Variants in BOC observed in about 807,000 individuals in gnomAD.
BOC encodes the protein brother of CDO.
In BOC, 76 loss-of-function variants were observed where a neutral mutation model predicts 112.0. The ratio of observed to expected loss-of-function variants is 0.68; its 90% CI spans 0.56 to 0.82. BOC has a LOEUF of 0.82. BOC is among the 40% of genes least tolerant of loss of function. BOC has a pLI of 0.00. For missense variants in BOC, 1,309 were observed against 1,511.7 expected (o/e 0.87, Z 2.22); for synonymous variants, 580 against 599.8 (o/e 0.97, Z 0.48).
Position 113,273,250 on chromosome 3 carries a change from G to C in BOC, c.1143G>C (p.Met381Ile), listed in dbSNP as rs1948332645. The C allele has an allele frequency of 6.2e-7, 1 of 1,613,194 alleles. No individual in the cohort carries two copies. Among genetic ancestry groups the C allele is most frequent in the Non-Finnish European group, 8.5e-7 (1 of 1,179,840 alleles). The change falls in exon 8 of 20, where the codon ATG becomes ATC. Residue 381 changes from methionine (M) to isoleucine (I), a missense_variant. Transcript: ENST00000682979. ...GCAGGGCCCTGCGCGTGCTCAGCATGGGGCCTGAGGACGAAGGCGTCTACC... is the reference window on the plus strand; with the variant it reads ...GCAGGGCCCTGCGCGTGCTCAGCATCGGGCCTGAGGACGAAGGCGTCTACC... ...LSRRALRVLS[M>I]GPEDEGVYQC...
rs571119647 is a variant in BOC, at chr3:113,283,525, G to A, written c.2549G>A (p.Arg850His). The change falls in exon 16 of 20, where the codon CGC becomes CAC. Residue 850 changes from arginine (R) to histidine (H), a missense_variant. Coordinates refer to ENST00000682979, the MANE Select transcript of BOC (RefSeq NM_001378074.1). ...RPVGTGAMVA[R>H]SSDLPYLIVG... ...GTGGGCACTGGGGCCATGGTGGCTC[G>A]CTCCAGCGACCTGCCCTATCTGATT... is the stretch of plus-strand genomic sequence containing the variant. 41 of 1,613,970 alleles carry A rather than the reference G, an allele frequency of 2.5e-5. No individual in the cohort carries two copies. The highest frequency in any genetic ancestry group is 1.6e-4 in the East Asian group (7 of 44,856).
At chr3:113,237,757 A>G (rs1323378857) in intron 2 of BOC, among the ~76,000 whole-genome samples, 1 of 152,202 alleles carries the variant, frequency 6.6e-6, no homozygotes, top group East Asian at 1.9e-4. Context: ...CCAGGAAAAA[A>G]AATTGGTTCC....
chr3:113,254,235 C>T (rs781171809), intron 4 of BOC, among the ~76,000 whole-genome samples: 2 of 152,132 alleles, frequency 1.3e-5, no homozygotes, highest in Non-Finnish European at 2.9e-5. Flanking sequence ...AAGCCAAGAA[C>T]TATTGGCTTG....
Position 113,274,353 on chromosome 3 carries a change from C to T in BOC, c.1235-22C>T. ...TAAACCAGGAGACTAACCTTTCCTT[C>T]TGCTTCCTGTTGGTCCTCCAGGCAT... is the stretch of plus-strand genomic sequence containing the variant. On this transcript the variant is annotated intron_variant, in intron 8 of 19. Coordinates refer to ENST00000682979, the MANE Select transcript of BOC (RefSeq NM_001378074.1). The surrounding 1 kb of genome is among the most constrained non-coding windows in gnomAD (Gnocchi z 4.8). The T allele has an allele frequency of 6.7e-7, 1 of 1,490,724 alleles. No individual in the cohort carries two copies. Among genetic ancestry groups the T allele is most frequent in the Non-Finnish European group, 8.9e-7 (1 of 1,122,398 alleles). The allele number at this position is 1,490,724 out of a possible 1,614,324, so 92.3% of individuals were successfully genotyped here.
At chr3:113,232,061 T>C (rs1419587281) in intron 2 of BOC, among the ~76,000 whole-genome samples, 1 of 152,188 alleles carries the variant, frequency 6.6e-6, no homozygotes, top group African/African-American at 2.4e-5. Context: ...GGATCCTCTT[T>C]GCAACTGGTG....
chr3:113,229,662 T>C (rs1164714739), intron 2 of BOC, among the ~76,000 whole-genome samples: 1 of 152,234 alleles, frequency 6.6e-6, no homozygotes, highest in Non-Finnish European at 1.5e-5. Context: ...GAGAAGCTTT[T>C]TGGGAAAAAT....
In BOC at chr3:113,233,843, C is replaced by T. The variant is rs192500265; in HGVS notation, c.-81-15879C>T. Among the ~76,000 whole-genome samples, 7 of 141,934 alleles carry T rather than the reference C, an allele frequency of 4.9e-5. No homozygotes were observed. The East Asian group carries it at 1.7e-3, about 34-fold the overall frequency. 93.1% of individuals were successfully genotyped at this position (141,934 alleles called of 152,430 possible). On this transcript the variant is annotated intron_variant, in intron 2 of 19. Coordinates refer to ENST00000682979, the MANE Select transcript of BOC (RefSeq NM_001378074.1). ...CCCCATGCTTGGAAGGTCTTATGTC[C>T]TGCCTGCCTTCTCCACTAATTAAGA... is the stretch of plus-strand genomic sequence containing the variant.
intron 18 of BOC, 121 bp downstream of exon 18, chr3:113,284,979 A>G: frequency 3.6e-6 from 3 of 831,914 alleles, no homozygotes. Context: ...GGTCCCCGTG[A>G]CTGACAATCA....
chr3:113,215,275 C>G (rs963012218), intron 1 of BOC, among the ~76,000 whole-genome samples: 9 of 152,184 alleles, frequency 5.9e-5, no homozygotes, highest in African/African-American at 2.2e-4. Flanking sequence ...GAAGGTTTTG[C>G]TTCTTTGGAG....
At chr3:113,249,228 A>G (rs1303310294) in intron 2 of BOC, among the ~76,000 whole-genome samples, 1 of 152,242 alleles carries the variant, frequency 6.6e-6, no homozygotes, top group African/African-American at 2.4e-5. Context: ...CATTCCCTGC[A>G]AGGGCGTTCT....
intron 2 of BOC, among the ~76,000 whole-genome samples, chr3:113,242,753 C>A (rs1018434413): frequency 6.6e-6 from 1 of 152,078 alleles, no homozygotes; most frequent in African/African-American, 2.4e-5. Flanking sequence ...ATTTTAAACT[C>A]TTTTCTCTGG....
chr3:113,212,170 C>A (rs1222009188), intron 1 of BOC, 154 bp downstream of exon 1: 3 of 150,944 alleles, frequency 2.0e-5, no homozygotes, highest in East Asian at 1.9e-4. Context: ...CGGGTCCCAG[C>A]GCTCGGCCGG....
intron 2 of BOC, among the ~76,000 whole-genome samples, chr3:113,233,628 G>A (rs1185444025): frequency 1.3e-5 from 2 of 152,090 alleles, no homozygotes; most frequent in African/African-American, 4.8e-5. Flanking sequence ...CTAACGGTCA[G>A]TTGAACCCTA....
chr3:113,250,602 C>T lies in BOC; in HGVS notation c.145C>T (p.Pro49Ser). ...CCAGCCTGCGTCCACCGTCCAGAAGCCCGGAGGCACTGTGATCTTGGGCTG... is the reference window on the plus strand; with the variant it reads ...CCAGCCTGCGTCCACCGTCCAGAAGTCCGGAGGCACTGTGATCTTGGGCTG... ...TVQPASTVQK[P>S]GGTVILGCVV... Residue 49 changes from proline (P) to serine (S), a missense_variant, in exon 4 of 20, where the codon CCC becomes TCC. Pro to Ser is a moderately conservative substitution (Grantham distance 74). Transcript: ENST00000682979. 1.2e-6 allele frequency: 2 copies of T among 1,614,116 alleles called. No individual in the cohort carries two copies. The highest frequency in any genetic ancestry group is 2.2e-5 in the East Asian group (1 of 44,888).
chr3:113,245,841 G>T (rs185247980), intron 2 of BOC, among the ~76,000 whole-genome samples: 29 of 152,286 alleles, frequency 1.9e-4, no homozygotes, highest in African/African-American at 7.0e-4. Flanking sequence ...CATCCAAAGG[G>T]CATGTTTTGT....
chr3:113,274,978 G>A lies in BOC; in HGVS notation c.1542+296G>A, dbSNP rs1325829703. 6.6e-6 allele frequency among the ~76,000 whole-genome samples: 1 copy of A among 152,194 alleles called. No individual in the cohort carries two copies. Among genetic ancestry groups the A allele is most frequent in the East Asian group, 1.9e-4 (1 of 5,196 alleles). On this transcript the variant is annotated intron_variant, in intron 9 of 19. Coordinates refer to ENST00000682979, the MANE Select transcript of BOC (RefSeq NM_001378074.1). The surrounding 1 kb of genome is among the most constrained non-coding windows in gnomAD (Gnocchi z 4.8). The stretch of plus-strand genomic sequence containing the variant: ...AAGCTCACACTGGCTTCTAGTCCCT[G>A]AGGAGACCGTGAACAGTCTCCCTGG...
chr3:113,261,498 G>A (rs1170314750), intron 4 of BOC, among the ~76,000 whole-genome samples: 3 of 152,112 alleles, frequency 2.0e-5, no homozygotes, highest in Admixed American at 1.3e-4. Flanking sequence ...CCCTGAAGTC[G>A]GGTAGATGAG....
Position 113,235,600 on chromosome 3 carries a change from TG to T in BOC, c.-81-14117del, listed in dbSNP as rs555652606. Among the ~76,000 whole-genome samples, 356 of 152,182 alleles carry T rather than the reference TG, an allele frequency of 2.3e-3. 1 individual carries two copies. Among genetic ancestry groups the T allele is most frequent in the Middle Eastern group, 3.4e-3 (1 of 294 alleles). ...ATCAAGAGTGCAGAGAGGGCATAAGTGGGGGAAGGTGAAGAGGTTATTAGCT... is the reference window on the plus strand; with the variant it reads ...ATCAAGAGTGCAGAGAGGGCATAAGTGGGGAAGGTGAAGAGGTTATTAGCT... On this transcript the variant is annotated intron_variant, in intron 2 of 19. Coordinates refer to ENST00000682979, the MANE Select transcript of BOC (RefSeq NM_001378074.1).
intron 2 of BOC, among the ~76,000 whole-genome samples, chr3:113,236,713 A>AT (rs1052203679): frequency 7.9e-5 from 12 of 152,222 alleles, no homozygotes; most frequent in Non-Finnish European, 1.8e-4. Flanking sequence ...AGCAATGAAC[A>AT]TTTTTTTAAA....
Sources: allele counts gnomAD v4.1 joint callset (sites outside exome capture counted in the v4.1 genomes callset), GRCh38; gene constraint gnomAD v4.1.1; non-coding constraint Gnocchi (gnomAD v3.1); transcripts MANE v1.5; gene names NCBI Gene and HGNC (gene_info 2026-07-23, HGNC 2026-07-21).